FUT8: variants seen among roughly 807,000 people sequenced by gnomAD.
FUT8 encodes alpha-(1,6)-fucosyltransferase.
A neutral mutation model predicts 71.3 loss-of-function variants in FUT8; 29 were observed. That is an observed-to-expected ratio of 0.41 (90% confidence interval 0.30 to 0.55). The LOEUF is 0.55. Among genes scored for constraint, FUT8 ranks in the 20% least tolerant of loss-of-function variants. FUT8 has a pLI of 0.34. For synonymous variants in FUT8, 254 were observed against 239.3 expected, an observed-to-expected ratio of 1.06 and a Z score of -0.57; for missense variants, 544 against 702.1, an observed-to-expected ratio of 0.77 and a Z score of 2.55.
intron 6 of FUT8, among the ~76,000 whole-genome samples, chr14:65,668,594 A>G (rs1892326205): frequency 6.6e-6 from 1 of 152,188 alleles, no homozygotes; most frequent in African/African-American, 2.4e-5. Flanking sequence ...GGAAATGTAA[A>G]TTAGTTCAAC....
chr14:65,418,467 A>G (rs2065249836), intron 1 of FUT8, among the ~76,000 whole-genome samples: 1 of 152,236 alleles, frequency 6.6e-6, no homozygotes, highest in African/African-American at 2.4e-5. Flanking sequence ...AAGCATTGTA[A>G]TGTTATTTAA....
intron 2 of FUT8, chr14:65,479,655 C>A (rs1225725496): frequency 5.3e-5 from 8 of 152,154 alleles, no homozygotes. Context: ...CCCCTCCCCT[C>A]CTGTTTTTCC....
intron 1 of FUT8, among the ~76,000 whole-genome samples, chr14:65,416,917 G>C (rs1168149528): frequency 1.3e-5 from 2 of 151,600 alleles, no homozygotes; most frequent in Non-Finnish European, 2.9e-5. Context: ...TGGAGTATCT[G>C]GGATTATGGG....
intron 2 of FUT8, among the ~76,000 whole-genome samples, chr14:65,537,290 G>A (rs1884379117): frequency 6.6e-6 from 1 of 151,794 alleles, no homozygotes; most frequent in Non-Finnish European, 1.5e-5. Context: ...CCTTGCTGGA[G>A]AACTAGTGTA....
At chr14:65,402,196 ATTTTTTTTT>A in the FUT8 span, among the ~76,000 whole-genome samples, 3 of 75,832 alleles carry the variant, frequency 4.0e-5, no homozygotes, top group African/African-American at 5.1e-5. Flanking sequence ...ATGGAGTGTG[ATTTTTTTTT>A]TTTTTTTTTT....
chr14:65,468,292 G>T, intron 2 of FUT8: 1 of 618,794 alleles, frequency 1.6e-6, no homozygotes. Context: ...TTTACTAAAA[G>T]GCCTAGAGAA....
chr14:65,504,312 C>T (rs2066691720), intron 2 of FUT8, among the ~76,000 whole-genome samples: 1 of 152,066 alleles, frequency 6.6e-6, no homozygotes, highest in Non-Finnish European at 1.5e-5. Flanking sequence ...GGACCTGTTC[C>T]TGGAGACTCA....
intron 7 of FUT8, among the ~76,000 whole-genome samples, chr14:65,713,299 T>A (rs1894894165): frequency 6.6e-6 from 1 of 152,224 alleles, no homozygotes. Context: ...TCTTTGTTTA[T>A]TCATCTGGAC....
chr14:65,421,026 C>T (rs1436673232), intron 1 of FUT8, among the ~76,000 whole-genome samples: 1 of 151,938 alleles, frequency 6.6e-6, no homozygotes, highest in Admixed American at 6.6e-5. Context: ...AACTCCATCT[C>T]TACTAAAAAT....
At chr14:65,488,475 A>G (rs1050001915) in intron 2 of FUT8, 3 of 152,162 alleles carry the variant, frequency 2.0e-5, no homozygotes, top group African/African-American at 7.2e-5. Flanking sequence ...TTAATGCACT[A>G]CTGGTTTCTA....
At chr14:65,474,834 C>T (rs1362560342) in intron 2 of FUT8, among the ~76,000 whole-genome samples, 2 of 152,144 alleles carry the variant, frequency 1.3e-5, no homozygotes, top group African/African-American at 4.8e-5. Context: ...ATTCATCCTT[C>T]ATTTTTGTGG....
chr14:65,475,058 T>C (rs2066214699), intron 2 of FUT8, among the ~76,000 whole-genome samples: 1 of 152,194 alleles, frequency 6.6e-6, no homozygotes, highest in Admixed American at 6.5e-5. Flanking sequence ...TCTAAAGTTA[T>C]GCATACAAGG....
intron 2 of FUT8, among the ~76,000 whole-genome samples, chr14:65,507,077 A>G (rs541878966): frequency 6.6e-6 from 1 of 152,320 alleles, no homozygotes; most frequent in African/African-American, 2.4e-5. Flanking sequence ...AGTCAACACC[A>G]TTAGAGGTAA....
chr14:65,403,481 A>G, the FUT8 span, among the ~76,000 whole-genome samples: 1 of 152,166 alleles, frequency 6.6e-6, no homozygotes. Flanking sequence ...AAATTAATTA[A>G]CTCATTCAAT....
chr14:65,463,993 A>G (rs1394327568), intron 2 of FUT8, among the ~76,000 whole-genome samples: 1 of 152,220 alleles, frequency 6.6e-6, no homozygotes, highest in East Asian at 1.9e-4. Context: ...CCACCCCTGC[A>G]GCCCCACTGG....
upstream of FUT8, among the ~76,000 whole-genome samples, chr14:65,408,297 C>T (rs74723344): frequency 5.7e-3 from 872 of 152,278 alleles, 31 homozygotes; most frequent in East Asian, 0.093. Flanking sequence ...TGGCCATGAA[C>T]TGTTCTACCT....
chr14:65,428,193 A>G (rs931864913), intron 1 of FUT8, among the ~76,000 whole-genome samples: 1 of 152,220 alleles, frequency 6.6e-6, no homozygotes, highest in Non-Finnish European at 1.5e-5. Context: ...CTTAAAAGGT[A>G]CATTAACTCT....
chr14:65,492,290 A>G (rs1375016063), intron 2 of FUT8, among the ~76,000 whole-genome samples: 1 of 152,192 alleles, frequency 6.6e-6, no homozygotes, highest in African/African-American at 2.4e-5. Context: ...TTTAGCCTAA[A>G]GGTTTTTGAG....
At chr14:65,693,645 C>T (rs1355523996) in intron 7 of FUT8, among the ~76,000 whole-genome samples, 1 of 152,130 alleles carries the variant, frequency 6.6e-6, no homozygotes, top group Non-Finnish European at 1.5e-5. Context: ...AGCTATTAGT[C>T]TGTTTTCTTT....
Sources: allele counts gnomAD v4.1 joint callset (sites outside exome capture counted in the v4.1 genomes callset), GRCh38; gene constraint gnomAD v4.1.1; transcripts MANE v1.5; gene names NCBI Gene and HGNC (gene_info 2026-07-23, HGNC 2026-07-21).